TMEM114: variants seen among roughly 807,000 people sequenced by gnomAD.
TMEM114 encodes the protein transmembrane protein 114.
In TMEM114, 6 loss-of-function variants were observed where a neutral mutation model predicts 6.2. That is an observed-to-expected ratio of 0.97 (90% CI 0.53 to 1.91). TMEM114 has a LOEUF of 1.91. Among genes scored for constraint, TMEM114 ranks in the 40% most tolerant of loss-of-function variants. The pLI is 0.01. For synonymous variants in TMEM114, 104 were observed against 73.0 expected (o/e 1.42, Z -2.16); for missense variants, 218 against 158.3 (o/e 1.38, Z -2.02).
At chr16:8,585,180 G>C (rs1344036478) in intron 2 of TMEM114, among the ~76,000 whole-genome samples, 5 of 152,052 alleles carry the variant, frequency 3.3e-5, no homozygotes, top group African/African-American at 1.2e-4. Flanking sequence ...ACTATCACAA[G>C]AACAGTATGG....
chr16:8,528,356 A>G, the TMEM114 span, among the ~76,000 whole-genome samples: 1 of 152,204 alleles, frequency 6.6e-6, no homozygotes, highest in Non-Finnish European at 1.5e-5. Context: ...TCTGCTGCAG[A>G]AGATGTACCT....
rs1356399006 is a variant in TMEM114 at position 8,569,941 on chromosome 16, C to A, written c.504G>T (p.Ala168=). 4 of 1,550,986 alleles carry A rather than the reference C, an allele frequency of 2.6e-6. No individual in the cohort carries two copies. The highest frequency in any genetic ancestry group is 1.4e-5 in the African/African-American group (1 of 73,040). ...GGGCCTTCTCCTCCAAGAGACACAG[C>A]GCCTCCCGGAAGGCGGCGGCTGAAT... The part of the protein sequence containing the change: ...IAYSAAAFRE[A]LCLLEEKALL... The change falls in exon 4 of 4, where the codon GCG becomes GCT. Residue 168 remains alanine, a synonymous_variant. Coordinates refer to ENST00000620492, the MANE Select transcript of TMEM114 (RefSeq NM_001146336.2).
chr16:8,565,807 T>A (rs1309534002), downstream of TMEM114, among the ~76,000 whole-genome samples: 1 of 152,162 alleles, frequency 6.6e-6, no homozygotes, highest in African/African-American at 2.4e-5. Flanking sequence ...AGGTCCGCCC[T>A]CGAGGGTCTG....
intron 2 of TMEM114, among the ~76,000 whole-genome samples, chr16:8,581,462 G>C (rs1281385222): frequency 3.9e-5 from 6 of 152,108 alleles, no homozygotes; most frequent in African/African-American, 1.4e-4. Context: ...GTGGACTTGT[G>C]TGTGTGTGAG....
intron 2 of TMEM114, among the ~76,000 whole-genome samples, chr16:8,548,690 C>T (rs1900747551): frequency 1.9e-5 from 2 of 104,022 alleles, no homozygotes; most frequent in African/African-American, 9.4e-5. Context: ...CTAAAAATTG[C>T]CATGTATATA....
chr16:8,569,565 C>T lies in TMEM114; in HGVS notation c.*208G>A. 1 of 1,419,030 alleles carries T rather than the reference C, an allele frequency of 7.0e-7. No individual in the cohort carries two copies. The highest frequency in any genetic ancestry group is 1.6e-5 in the South Asian group (1 of 63,880). 87.9% of individuals were successfully genotyped at this position (1,419,030 alleles called of 1,614,324 possible). ...GGCACTCCCTCGGGCTCCTCCAGGCCACACGGACACACACGGACATAAGCA... is the reference window on the plus strand; with the variant it reads ...GGCACTCCCTCGGGCTCCTCCAGGCTACACGGACACACACGGACATAAGCA... On this transcript the variant is annotated 3_prime_UTR_variant, in exon 4 of 4. Transcript: ENST00000620492.
the TMEM114 span, among the ~76,000 whole-genome samples, chr16:8,530,377 T>C: frequency 1.5e-4 from 23 of 152,178 alleles, no homozygotes; most frequent in African/African-American, 5.5e-4. Context: ...GTCTCAGAGT[T>C]CCCATCTCTA....
chr16:8,572,156 C>G lies in TMEM114; in HGVS notation c.370G>C (p.Gly124Arg). The G allele has an allele frequency of 6.4e-7, 1 of 1,551,584 alleles. No homozygotes were observed. Among genetic ancestry groups the G allele is most frequent in the Non-Finnish European group, 8.7e-7 (1 of 1,146,952 alleles). The change falls in exon 3 of 4, where the codon GGG (glycine) becomes CGG (arginine). Residue 124 changes from glycine (G) to arginine (R), a missense_variant. Gly to Arg is a moderately radical substitution (Grantham distance 125). Coordinates refer to ENST00000620492, the MANE Select transcript of TMEM114 (RefSeq NM_001146336.2). ...LILMVFGGMT[G>R]FLSFLLQAYL... ...GCTTGGAGGAGGAAGCTCAGAAACC[C>G]CGTCATCCCCCCAAAAACCATCAGG...
At chr16:8,569,416 C>G (rs1901646604), downstream of TMEM114, 2 of 1,078,814 alleles carry the variant, frequency 1.9e-6, no homozygotes, top group Non-Finnish European at 2.3e-6. Context: ...CCAGACCCAC[C>G]AAGGAGCTGA....
At chr16:8,585,298 A>T (rs1902284875) in intron 2 of TMEM114, among the ~76,000 whole-genome samples, 1 of 152,226 alleles carries the variant, frequency 6.6e-6, no homozygotes, top group Non-Finnish European at 1.5e-5. Context: ...GGGCACAGCC[A>T]AATCACATCA....
chr16:8,583,065 T>C (rs1055300079), intron 2 of TMEM114, among the ~76,000 whole-genome samples: 1 of 152,170 alleles, frequency 6.6e-6, no homozygotes, highest in African/African-American at 2.4e-5. Flanking sequence ...TATGTCTCCA[T>C]TGCCTCATCT....
intron 2 of TMEM114, among the ~76,000 whole-genome samples, chr16:8,584,796 T>C (rs969891399): frequency 2.6e-5 from 4 of 151,540 alleles, no homozygotes; most frequent in African/African-American, 9.7e-5. Context: ...ATGGTGGGCA[T>C]CTGTAATCCC....
chr16:8,542,263 T>C (rs1900538148), intron 2 of TMEM114, among the ~76,000 whole-genome samples: 1 of 152,230 alleles, frequency 6.6e-6, no homozygotes, highest in Admixed American at 6.5e-5. Context: ...ACTTTGTGTC[T>C]AGAACCTCTA....
At chr16:8,569,226 C>G (rs1248928855), downstream of TMEM114, among the ~76,000 whole-genome samples, 4 of 152,168 alleles carry the variant, frequency 2.6e-5, no homozygotes, top group Admixed American at 2.6e-4. Flanking sequence ...GAAGAGTGCT[C>G]TATCAATTGG....
At chr16:8,534,173 C>G (rs1224250658), downstream of TMEM114, among the ~76,000 whole-genome samples, 2 of 152,072 alleles carry the variant, frequency 1.3e-5, no homozygotes, top group African/African-American at 2.4e-5. Flanking sequence ...TGAGCTCTGC[C>G]CAGATGGGGA....
rs1033145264 is a variant in TMEM114 at position 8,562,953 on chromosome 16, T to G, written n.213-25127A>C. On this transcript the variant is annotated intron_variant and non_coding_transcript_variant, in intron 2 of 2. Transcript: ENST00000623677. Reference sequence around the variant, plus strand: ...GTGAGTGAATTAGTGAGTAAATGAGTGAGTGAATGAGTGAGAGAGTGATGG... The same window carrying G: ...GTGAGTGAATTAGTGAGTAAATGAGGGAGTGAATGAGTGAGAGAGTGATGG... 6.1e-5 allele frequency among the ~76,000 whole-genome samples: 5 copies of G among 81,764 alleles called. No individual in the cohort carries two copies. In the East Asian group the frequency reaches 2.6e-3, roughly 43 times the overall value. The allele number at this position is 81,764 out of a possible 152,430, so 53.6% of individuals were successfully genotyped here. A position where few individuals can be genotyped will look rare whatever the true frequency, so the allele number is the denominator to read the frequency against.
At chr16:8,550,643 T>A (rs1448466612) in intron 2 of TMEM114, among the ~76,000 whole-genome samples, 2 of 146,050 alleles carry the variant, frequency 1.4e-5, no homozygotes, top group East Asian at 2.0e-4. Context: ...GCACCATTGC[T>A]CTCCAGCCTG....
At chr16:8,539,215 G>A (rs1402928970) in intron 2 of TMEM114, among the ~76,000 whole-genome samples, 1 of 152,038 alleles carries the variant, frequency 6.6e-6, no homozygotes, top group East Asian at 1.9e-4. Flanking sequence ...GGATCCCTGG[G>A]CCAACTGCCC....
chr16:8,565,049 G>A (rs201144294), downstream of TMEM114, among the ~76,000 whole-genome samples: 3,748 of 77,002 alleles, frequency 0.049, no homozygotes, highest in East Asian at 0.098. Context: ...GAGTGAATGA[G>A]TGAGTGAGTG....
Sources: gnomAD v4.1 joint callset for allele counts (sites outside exome capture counted in the v4.1 genomes callset) on GRCh38, gnomAD v4.1.1 for gene constraint, MANE v1.5 for transcripts, NCBI Gene and HGNC (gene_info 2026-07-23, HGNC 2026-07-21) for gene names.